GLIS3: variants seen among roughly 807,000 people sequenced by gnomAD.
GLIS3 encodes the protein zinc finger protein GLIS3.
A neutral mutation model predicts 78.6 loss-of-function variants in GLIS3; 53 were observed. That is an observed-to-expected ratio of 0.67 (90% confidence interval 0.54 to 0.85). GLIS3 has a LOEUF of 0.85. Among genes scored for constraint, GLIS3 ranks in the 40% least tolerant of loss-of-function variants. The pLI, the probability that GLIS3 is intolerant of heterozygous loss-of-function variation, is 0.00. For missense variants in GLIS3, 1,703 were observed against 1,231.1 expected (o/e 1.38, Z -5.74); for synonymous variants, 684 against 509.9 (o/e 1.34, Z -4.60).
the GLIS3 span, among the ~76,000 whole-genome samples, chr9:4,395,176 A>T: frequency 6.6e-6 from 1 of 152,206 alleles, no homozygotes; most frequent in Non-Finnish European, 1.5e-5. Flanking sequence ...TGGGCCCATG[A>T]ATTTAAGTCT....
chr9:4,414,929 AT>A, the GLIS3 span, among the ~76,000 whole-genome samples: 2 of 151,526 alleles, frequency 1.3e-5, no homozygotes, highest in African/African-American at 4.9e-5. Context: ...CTATCCACTG[AT>A]CCCCACCCTG....
At chr9:4,017,324 C>T (rs1169219926) in intron 4 of GLIS3, among the ~76,000 whole-genome samples, 2 of 152,166 alleles carry the variant, frequency 1.3e-5, no homozygotes, top group Non-Finnish European at 2.9e-5. Context: ...GAATAGCAAG[C>T]AGCATGTCCT....
intron 9 of GLIS3, among the ~76,000 whole-genome samples, chr9:3,833,285 G>A (rs1382211628): frequency 6.6e-6 from 1 of 152,170 alleles, no homozygotes; most frequent in East Asian, 1.9e-4. Flanking sequence ...TACTAGAGAT[G>A]CCAAATACAC....
At chr9:4,058,773 G>C (rs61354207) in intron 4 of GLIS3, among the ~76,000 whole-genome samples, 7,391 of 152,112 alleles carry the variant, frequency 0.049, 532 homozygotes, top group African/African-American at 0.16. Context: ...GAGGTCAGGA[G>C]ATCGAGACCA....
At chr9:3,891,526 T>C (rs1563818423) in intron 7 of GLIS3, among the ~76,000 whole-genome samples, 1 of 152,102 alleles carries the variant, frequency 6.6e-6, no homozygotes, top group Non-Finnish European at 1.5e-5. Context: ...AGACCTTGTC[T>C]CTACACAAAA....
In GLIS3 at chr9:4,315,486, C is replaced by G. The variant is rs904062901; in HGVS notation, n.265-4958G>C. On this transcript the variant is annotated intron_variant and non_coding_transcript_variant, in intron 2 of 4. Transcript: ENST00000471664. ...TTTTATTTTTAAATAAAATGAACCT[C>G]TATTTTTTAAAGCCTTTAAATTGAT... 2.0e-5 allele frequency among the ~76,000 whole-genome samples: 3 copies of G among 152,188 alleles called. No homozygotes were observed. In the South Asian group the frequency reaches 6.2e-4, roughly 32 times the overall value.
intron 2 of GLIS3, among the ~76,000 whole-genome samples, chr9:4,241,040 C>G (rs1261325029): frequency 6.6e-6 from 1 of 152,058 alleles, no homozygotes. Context: ...TTATCCTGTT[C>G]TTTCAAAATA....
At chr9:4,327,492 G>A (rs1193336407) in intron 2 of GLIS3, among the ~76,000 whole-genome samples, 1 of 152,154 alleles carries the variant, frequency 6.6e-6, no homozygotes, top group Non-Finnish European at 1.5e-5. Flanking sequence ...TGGAGCAGAG[G>A]AGACCAGACA....
At chr9:3,837,459 C>A (rs1057165720) in intron 9 of GLIS3, among the ~76,000 whole-genome samples, 2 of 152,160 alleles carry the variant, frequency 1.3e-5, no homozygotes, top group Admixed American at 1.3e-4. Flanking sequence ...CCATACAAAT[C>A]CCTGTACATG....
At chr9:4,194,774 C>A (rs1818656174) in intron 2 of GLIS3, among the ~76,000 whole-genome samples, 1 of 152,196 alleles carries the variant, frequency 6.6e-6, no homozygotes, top group African/African-American at 2.4e-5. Context: ...CTCCGGGCAA[C>A]CCTGGCCAAG....
chr9:4,020,960 G>A (rs1165847293), intron 4 of GLIS3, among the ~76,000 whole-genome samples: 1 of 152,124 alleles, frequency 6.6e-6, no homozygotes, highest in South Asian at 2.1e-4. Context: ...ACTTCTATGC[G>A]CTAGAGAAAG....
chr9:4,344,258 C>T (rs965526885), intron 2 of GLIS3, among the ~76,000 whole-genome samples: 1 of 152,112 alleles, frequency 6.6e-6, no homozygotes, highest in Non-Finnish European at 1.5e-5. Flanking sequence ...ACCCCCACTA[C>T]CATTTCATTG....
chr9:4,363,155 G>A, the GLIS3 span, among the ~76,000 whole-genome samples: 2 of 152,178 alleles, frequency 1.3e-5, no homozygotes, highest in Admixed American at 6.5e-5. Context: ...GGGTGCAGTG[G>A]CTCACACATG....
At chr9:4,220,586 G>C (rs1180860224) in intron 2 of GLIS3, among the ~76,000 whole-genome samples, 4 of 152,062 alleles carry the variant, frequency 2.6e-5, no homozygotes, top group South Asian at 2.1e-4. Context: ...AAAGTAAGTG[G>C]CAAGTCTTCA....
intron 4 of GLIS3, among the ~76,000 whole-genome samples, chr9:4,029,187 T>C (rs964080766): frequency 3.3e-5 from 5 of 152,178 alleles, no homozygotes; most frequent in Admixed American, 6.5e-5. Context: ...TGTGAAACCC[T>C]TGGAATCCTT....
intron 9 of GLIS3, among the ~76,000 whole-genome samples, chr9:3,852,690 G>C (rs1284045848): frequency 6.6e-6 from 1 of 152,182 alleles, no homozygotes; most frequent in Non-Finnish European, 1.5e-5. Context: ...AATGCTTGGA[G>C]AAGGAAGTAA....
chr9:4,108,158 T>C (rs1051085323), intron 4 of GLIS3, among the ~76,000 whole-genome samples: 1 of 152,212 alleles, frequency 6.6e-6, no homozygotes, highest in Admixed American at 6.5e-5. Context: ...AGAATTTCTG[T>C]AACATAGTCA....
chr9:4,192,176 T>C (rs987692234), intron 2 of GLIS3, among the ~76,000 whole-genome samples: 1 of 152,190 alleles, frequency 6.6e-6, no homozygotes, highest in African/African-American at 2.4e-5. Flanking sequence ...ATTTTCACAA[T>C]CTCTTTATCT....
intron 6 of GLIS3, among the ~76,000 whole-genome samples, chr9:3,916,411 TGTC>T (rs1824516295): frequency 6.6e-6 from 1 of 152,178 alleles, no homozygotes; most frequent in Non-Finnish European, 1.5e-5. Context: ...CAAACCGGGG[TGTC>T]CCCCTGCGCC....
Sources: gnomAD v4.1 joint callset for allele counts (sites outside exome capture counted in the v4.1 genomes callset) on GRCh38, gnomAD v4.1.1 for gene constraint, MANE v1.5 for transcripts, NCBI Gene and HGNC (gene_info 2026-07-23, HGNC 2026-07-21) for gene names.